Variants in ASRGL1 observed in about 807,000 individuals in gnomAD.
ASRGL1 encodes isoaspartyl peptidase/L-asparaginase.
In ASRGL1, 16 loss-of-function variants were observed where a neutral mutation model predicts 22.4. The ratio of observed to expected loss-of-function variants is 0.71; its 90% CI spans 0.48 to 1.08. The LOEUF is 1.08. ASRGL1 is among the 50% of genes least tolerant of loss of function. ASRGL1 has a pLI of 0.00. For synonymous variants in ASRGL1, 165 were observed against 159.3 expected (o/e 1.04, Z -0.27); for missense variants, 412 against 410.1 (o/e 1.00, Z -0.04).
rs1381270276 is a variant in ASRGL1, at chr11:62,362,672, ATATAT to A, written c.491+5534_491+5538del. 9.5e-5 allele frequency among the ~76,000 whole-genome samples: 9 copies of A among 95,180 alleles called. 2 individuals are homozygous for A. The highest frequency in any genetic ancestry group is 5.0e-4 in the South Asian group (2 of 3,964). The allele number at this position is 95,180 out of a possible 152,430, so 62.4% of individuals were successfully genotyped here. ...ATATATATTATATAAAATATATAAT[ATATAT>A]TATATAAAATATATATTATATATTA... On this transcript the variant is annotated intron_variant, in intron 4 of 6. Coordinates refer to ENST00000415229, the MANE Select transcript of ASRGL1 (RefSeq NM_001083926.2).
chr11:62,344,380 T>G (rs1945956996), intron 2 of ASRGL1, among the ~76,000 whole-genome samples: 2 of 152,192 alleles, frequency 1.3e-5, no homozygotes, highest in South Asian at 4.1e-4. Context: ...TTTCTCAATA[T>G]TTTATTGCAA....
intron 4 of ASRGL1, chr11:62,371,980 T>C (rs1202694818): frequency 4.3e-5 from 26 of 602,984 alleles, no homozygotes; most frequent in Non-Finnish European, 7.7e-5. Flanking sequence ...AAAAAGTTCC[T>C]AAACAGGAAG....
At chr11:62,358,587 C>T (rs746257724) in intron 4 of ASRGL1, among the ~76,000 whole-genome samples, 9 of 152,184 alleles carry the variant, frequency 5.9e-5, no homozygotes, top group Non-Finnish European at 8.8e-5. Flanking sequence ...AGAGGGGTTC[C>T]TGCCATGGTC....
chr11:62,339,258 C>A lies in ASRGL1; in HGVS notation c.190+1091C>A, dbSNP rs1465015594. On this transcript the variant is annotated intron_variant, in intron 2 of 6. Transcript: ENST00000415229. ...TTGCTATCTGTCATGTGATGTCATA[C>A]TAGAGTCCCGCTGGAATTTGGTATC... Among the ~76,000 whole-genome samples the A allele has an allele frequency of 2.0e-5, 3 of 152,160 alleles. No individual in the cohort carries two copies. The East Asian group carries it at 5.8e-4, about 29-fold the overall frequency.
At chr11:62,386,813 TTCC>T (rs1947222459) in intron 4 of ASRGL1, among the ~76,000 whole-genome samples, 1 of 152,208 alleles carries the variant, frequency 6.6e-6, no homozygotes, top group Non-Finnish European at 1.5e-5. Flanking sequence ...AGAGTTCCAC[TTCC>T]TGCACATCCT....
intron 4 of ASRGL1, among the ~76,000 whole-genome samples, chr11:62,368,574 A>G (rs1413775393): frequency 2.0e-5 from 3 of 152,162 alleles, no homozygotes; most frequent in Non-Finnish European, 1.5e-5. Context: ...AGACACAGAG[A>G]CAAAGTATAG....
At chr11:62,362,890 AATTTTTTT>A (rs1946514106) in intron 4 of ASRGL1, among the ~76,000 whole-genome samples, 4 of 72,378 alleles carry the variant, frequency 5.5e-5, no homozygotes, top group Non-Finnish European at 9.8e-5. Flanking sequence ...TAAAGGATTT[AATTTTTTT>A]TTTTTTTTTT....
At chr11:62,354,921 C>A (rs12294413) in intron 2 of ASRGL1, among the ~76,000 whole-genome samples, 6,854 of 151,980 alleles carry the variant, frequency 0.045, 536 homozygotes, top group African/African-American at 0.16. Context: ...TTTTGTAGGT[C>A]ATGGAGTGCC....
chr11:62,337,567 TGCCCTGGGTAAGTCGGCG>T lies in ASRGL1; in HGVS notation c.-90_-89+16del, dbSNP rs531414268. ...AGGTCTCGGCGTCCGCGTCCTGCGGTGCCCTGGGTAAGTCGGCGGCCCTCCCGGAGCAGCCGCCCGAGA... is the reference window on the plus strand; with the variant it reads ...AGGTCTCGGCGTCCGCGTCCTGCGGTGCCCTCCCGGAGCAGCCGCCCGAGA... On this transcript the variant is annotated splice_donor_variant and splice_donor_5th_base_variant and 5_prime_UTR_variant and intron_variant, in exon 1 of 7. Transcript: ENST00000415229. LOFTEE classifies it low-confidence loss of function (5UTR_SPLICE). 38 of 161,486 alleles carry T rather than the reference TGCCCTGGGTAAGTCGGCG, an allele frequency of 2.4e-4. No homozygotes were observed. The highest frequency in any genetic ancestry group is 3.0e-3 in the Middle Eastern group (1 of 336). The allele number at this position is 161,486 out of a possible 1,614,324, so 10.0% of individuals were successfully genotyped here.
chr11:62,351,848 T>C (rs775568392), intron 2 of ASRGL1, among the ~76,000 whole-genome samples: 8 of 152,146 alleles, frequency 5.3e-5, no homozygotes, highest in Non-Finnish European at 8.8e-5. Context: ...TAATTTTTTA[T>C]TGTTTTGTAG....
chr11:62,354,965 G>A (rs945237168), intron 2 of ASRGL1, among the ~76,000 whole-genome samples: 3 of 150,944 alleles, frequency 2.0e-5, no homozygotes, highest in African/African-American at 4.9e-5. Flanking sequence ...TTTTTGAAAC[G>A]GAGTCTCACT....
chr11:62,372,987 G>A (rs967402766), intron 4 of ASRGL1: 1 of 1,418,922 alleles, frequency 7.0e-7, no homozygotes, highest in Non-Finnish European at 1.0e-6. Context: ...GACCTTTGGG[G>A]AACTGGGCTA....
At chr11:62,350,655 G>C (rs1946146660) in intron 2 of ASRGL1, among the ~76,000 whole-genome samples, 1 of 152,144 alleles carries the variant, frequency 6.6e-6, no homozygotes, top group South Asian at 2.1e-4. Context: ...AATTAGCCGG[G>C]CGTGGTGGCA....
rs747269658 is a variant in ASRGL1, at chr11:62,337,947, T to G, written c.-31T>G. The G allele has an allele frequency of 3.8e-6, 6 of 1,567,116 alleles. No individual in the cohort carries two copies. The South Asian group carries it at 7.0e-5, about 18-fold the overall frequency. On this transcript the variant is annotated 5_prime_UTR_variant, in exon 2 of 7. Transcript: ENST00000415229. The stretch of plus-strand genomic sequence containing the variant: ...CCTTGGGCTGGCTTTGGACGACGCT[T>G]TCGCCTTCCTGCTGCCTAGGATCCG...
chr11:62,395,332 G>A (rs950162908), downstream of ASRGL1, among the ~76,000 whole-genome samples: 1 of 151,822 alleles, frequency 6.6e-6, no homozygotes, highest in African/African-American at 2.4e-5. Flanking sequence ...CAGATACATC[G>A]TCATGTGGCT....
intron 4 of ASRGL1, among the ~76,000 whole-genome samples, chr11:62,358,707 C>T (rs1458469908): frequency 6.6e-6 from 1 of 152,248 alleles, no homozygotes; most frequent in East Asian, 1.9e-4. Flanking sequence ...ACCAGTAACC[C>T]CAATCATTGC....
At chr11:62,341,144 T>G (rs1945852974) in intron 2 of ASRGL1, among the ~76,000 whole-genome samples, 3 of 152,142 alleles carry the variant, frequency 2.0e-5, no homozygotes, top group Admixed American at 2.0e-4. Context: ...ACTTGAGATA[T>G]TCTCTCTACA....
chr11:62,341,421 G>A (rs1030137402), intron 2 of ASRGL1, among the ~76,000 whole-genome samples: 3 of 151,850 alleles, frequency 2.0e-5, no homozygotes, highest in Non-Finnish European at 2.9e-5. Context: ...GATGGTCTTG[G>A]ATCTCCTGAC....
chr11:62,341,131 A>G (rs1224297834), intron 2 of ASRGL1, among the ~76,000 whole-genome samples: 1 of 152,036 alleles, frequency 6.6e-6, no homozygotes, highest in African/African-American at 2.4e-5. Context: ...ATATTTACAC[A>G]GCACTTGAGA....
Sources: allele counts gnomAD v4.1 joint callset (sites outside exome capture counted in the v4.1 genomes callset), GRCh38; gene constraint gnomAD v4.1.1; transcripts MANE v1.5; gene names NCBI Gene and HGNC (gene_info 2026-07-23, HGNC 2026-07-21).